The following PSMA3 variants were observed in gnomAD, a reference collection of about 807,000 sequenced individuals.
PSMA3 encodes the protein proteasome subunit alpha type-3.
PSMA3 carries 8 observed loss-of-function variants against 40.0 expected under a neutral mutation model. The ratio of observed to expected loss-of-function variants is 0.20; its 90% CI spans 0.12 to 0.36. The LOEUF is 0.36. Ranked by LOEUF, PSMA3 falls within the 10% of genes least tolerant of loss-of-function variation. PSMA3 has a pLI of 1.00. For synonymous variants in PSMA3, 110 were observed against 100.0 expected (o/e 1.10, Z -0.59); for missense variants, 219 against 310.6 (o/e 0.70, Z 2.22).
intron 1 of PSMA3, among the ~76,000 whole-genome samples, chr14:58,247,358 T>C (rs892053227): frequency 2.0e-5 from 3 of 152,230 alleles, no homozygotes; most frequent in African/African-American, 7.2e-5. Context: ...TAGATACTCA[T>C]TAACTGCTTG....
rs1890174204 is a variant in PSMA3 at position 58,257,605 on chromosome 14, G to A, written c.229-140G>A. The A allele has an allele frequency of 5.2e-5, 33 of 634,362 alleles. No homozygotes were observed. In the South Asian group the frequency reaches 6.0e-4, roughly 12 times the overall value. 39.3% of individuals were successfully genotyped at this position (634,362 alleles called of 1,614,324 possible). Reference sequence around the variant, plus strand: ...TCATACTCAAGCATCAAAATGCCTTGTAGAGAGACCTTTAAGCCAAAAAAG... The same window carrying A: ...TCATACTCAAGCATCAAAATGCCTTATAGAGAGACCTTTAAGCCAAAAAAG... On this transcript the variant is annotated intron_variant, in intron 3 of 10. Coordinates refer to ENST00000216455, the MANE Select transcript of PSMA3 (RefSeq NM_002788.4).
At chr14:58,270,381 G>T (rs759393584) in intron 8 of PSMA3, 37 bp from the exon 9 acceptor site, 2 of 1,611,070 alleles carry the variant, frequency 1.2e-6, no homozygotes, top group Non-Finnish European at 1.7e-6. Context: ...AATGTTTGGA[G>T]GTTACCAAAA....
chr14:58,270,206 C>A, intron 8 of PSMA3: 1 of 653,380 alleles, frequency 1.5e-6, no homozygotes, highest in Non-Finnish European at 2.3e-6. Flanking sequence ...TAGGTATATT[C>A]AACATTTGTC....
chr14:58,271,070 C>A, intron 10 of PSMA3, 72 bp downstream of exon 10: 1 of 1,081,074 alleles, frequency 9.3e-7, no homozygotes, highest in Non-Finnish European at 1.3e-6. Flanking sequence ...AGTTTGAGAC[C>A]AGCCTGAGCA....
In PSMA3 at chr14:58,249,973, C is replaced by A. The variant is rs550853546; in HGVS notation, c.104+2141C>A. Reference sequence around the variant, plus strand: ...GTGAGCCACGCCTGTAATCCTAGCACTTTGGGAGGCTGAGGCAGGTGTATT... The same window carrying A: ...GTGAGCCACGCCTGTAATCCTAGCAATTTGGGAGGCTGAGGCAGGTGTATT... On this transcript the variant is annotated intron_variant, in intron 2 of 10. Coordinates refer to ENST00000216455, the MANE Select transcript of PSMA3 (RefSeq NM_002788.4). 3.3e-5 allele frequency among the ~76,000 whole-genome samples: 5 copies of A among 152,188 alleles called. No individual in the cohort carries two copies. In the East Asian group the frequency reaches 9.7e-4, roughly 29 times the overall value.
chr14:58,271,242 G>C (rs1424414562), intron 10 of PSMA3, among the ~76,000 whole-genome samples: 1 of 129,494 alleles, frequency 7.7e-6, no homozygotes, highest in Non-Finnish European at 1.7e-5. Flanking sequence ...AGTGGGTAAA[G>C]TTGCCTTGGT....
At chr14:58,263,871 T>C (rs1890356671) in intron 7 of PSMA3, 101 bp downstream of exon 7, 1 of 1,035,234 alleles carries the variant, frequency 9.7e-7, no homozygotes, top group South Asian at 1.3e-5. Flanking sequence ...TCCAATCATT[T>C]GGCTTCCCTG....
chr14:58,255,867 T>C (rs1890132369), intron 3 of PSMA3, among the ~76,000 whole-genome samples: 1 of 152,184 alleles, frequency 6.6e-6, no homozygotes, highest in Non-Finnish European at 1.5e-5. Flanking sequence ...TTTGTTTTTG[T>C]TTTTGTTTTG....
intron 3 of PSMA3, among the ~76,000 whole-genome samples, chr14:58,254,340 A>ATATATATATG: frequency 2.9e-5 from 1 of 34,780 alleles, no homozygotes; most frequent in Non-Finnish European, 6.0e-5. Context: ...ATGCATATAT[A>ATATATATATG]TATGTATGTA....
intron 3 of PSMA3, among the ~76,000 whole-genome samples, chr14:58,255,172 A>C (rs1026677022): frequency 8.9e-6 from 1 of 112,148 alleles, no homozygotes; most frequent in Non-Finnish European, 1.9e-5. Flanking sequence ...TTACATCCTA[A>C]AAACTTAGTA....
chr14:58,245,396 A>G, intron 1 of PSMA3: 1 of 180,130 alleles, frequency 5.6e-6, no homozygotes, highest in East Asian at 1.4e-4. Flanking sequence ...TCTGTCTTTA[A>G]GTGTGCAGAT....
chr14:58,252,220 A>T lies in PSMA3; in HGVS notation c.206A>T (p.Asn69Ile). The T allele has an allele frequency of 6.2e-7, 1 of 1,610,378 alleles. No homozygotes were observed. Among genetic ancestry groups the T allele is most frequent in the Non-Finnish European group, 8.5e-7 (1 of 1,179,166 alleles). The change falls in exon 3 of 11, where the codon AAT becomes ATT. Residue 69 changes from asparagine to isoleucine, a missense_variant. Transcript: ENST00000216455. The part of the protein sequence containing the change: ...YEEGSNKRLF[N>I]VDRHVGMAVA... ...GAAGGTTCCAACAAAAGACTTTTTA[A>T]TGTTGATCGGCATGTTGGAATGGTA...
intron 2 of PSMA3, among the ~76,000 whole-genome samples, chr14:58,248,089 C>T (rs1334131324): frequency 1.3e-5 from 2 of 152,086 alleles, no homozygotes; most frequent in African/African-American, 2.4e-5. Flanking sequence ...TTTTGTTTTC[C>T]ATTTTCAAAT....
chr14:58,248,143 C>A lies in PSMA3; in HGVS notation c.104+311C>A, dbSNP rs553557855. Among the ~76,000 whole-genome samples the A allele has an allele frequency of 2.6e-5, 4 of 152,232 alleles. No homozygotes were observed. In the East Asian group the frequency reaches 5.8e-4, roughly 22 times the overall value. Reference sequence around the variant, plus strand: ...GCTTCCTCAGCCATTAGGTTTGTGACCTTGTTATTTTTTATTTCTCATACA... The same window carrying A: ...GCTTCCTCAGCCATTAGGTTTGTGAACTTGTTATTTTTTATTTCTCATACA... On this transcript the variant is annotated intron_variant, in intron 2 of 10. Transcript: ENST00000216455.
intron 6 of PSMA3, among the ~76,000 whole-genome samples, chr14:58,262,162 C>A (rs760996825): frequency 2.0e-5 from 3 of 152,066 alleles, no homozygotes; most frequent in Non-Finnish European, 4.4e-5. Context: ...CTCCTGACCT[C>A]AGGTGGTCTG....
chr14:58,261,175 C>T (rs1246234462), intron 6 of PSMA3, among the ~76,000 whole-genome samples, 155 bp downstream of exon 6: 1 of 129,150 alleles, frequency 7.7e-6, no homozygotes, highest in Non-Finnish European at 1.6e-5. Flanking sequence ...TCTTGTCCAA[C>T]AGAATTTTTT....
intron 2 of PSMA3, among the ~76,000 whole-genome samples, chr14:58,249,611 C>T (rs1004290787): frequency 3.9e-5 from 6 of 152,026 alleles, no homozygotes; most frequent in African/African-American, 1.2e-4. Flanking sequence ...CTCCTGGTCT[C>T]GAGCTATTCT....
chr14:58,248,310 A>G (rs1032802088), intron 2 of PSMA3, among the ~76,000 whole-genome samples: 6 of 152,096 alleles, frequency 3.9e-5, no homozygotes, highest in Non-Finnish European at 7.4e-5. Flanking sequence ...GCTCACTGCA[A>G]CCTCCGCCTC....
At chr14:58,246,049 C>G (rs528669158) in intron 1 of PSMA3, among the ~76,000 whole-genome samples, 1 of 152,106 alleles carries the variant, frequency 6.6e-6, no homozygotes, top group African/African-American at 2.4e-5. Flanking sequence ...GATAATGTAA[C>G]CATGTGGGAT....
Sources: gnomAD v4.1 joint callset for allele counts (sites outside exome capture counted in the v4.1 genomes callset) on GRCh38, gnomAD v4.1.1 for gene constraint, MANE v1.5 for transcripts, NCBI Gene and HGNC (gene_info 2026-07-23, HGNC 2026-07-21) for gene names.